Variants in CUL2 observed in about 807,000 individuals in gnomAD.
CUL2 encodes the protein cullin-2.
A neutral mutation model predicts 110.2 loss-of-function variants in CUL2; 22 were observed. The ratio of observed to expected loss-of-function variants is 0.20; its 90% CI spans 0.14 to 0.28. The LOEUF (loss-of-function observed/expected upper bound fraction) is 0.28. CUL2 is among the 10% of genes least tolerant of loss of function. The pLI, the probability that CUL2 is intolerant of heterozygous loss-of-function variation, is 1.00. For missense variants in CUL2, 631 were observed against 905.5 expected (o/e 0.70, Z 3.89); for synonymous variants, 279 against 293.2 (o/e 0.95, Z 0.49).
At chr10:35,086,363 CT>C (rs1238664789) in intron 1 of CUL2, among the ~76,000 whole-genome samples, 1 of 152,050 alleles carries the variant, frequency 6.6e-6, no homozygotes, top group Non-Finnish European at 1.5e-5. Context: ...TAGTGGCTCA[CT>C]GCAGCCTCCA....
intron 4 of CUL2, among the ~76,000 whole-genome samples, chr10:35,060,338 G>A (rs1406112567): frequency 1.3e-5 from 2 of 152,130 alleles, no homozygotes; most frequent in Non-Finnish European, 2.9e-5. Flanking sequence ...CAGGCAGATG[G>A]AACAGCACCA....
At chr10:35,075,724 T>C (rs2086802971) in intron 1 of CUL2, among the ~76,000 whole-genome samples, 1 of 152,104 alleles carries the variant, frequency 6.6e-6, no homozygotes, top group South Asian at 2.1e-4. Context: ...TAAAAATTTA[T>C]ATTTAATTAC....
At chr10:35,016,162 G>T in intron 18 of CUL2, 30 bp downstream of exon 18, 1 of 1,562,532 alleles carries the variant, frequency 6.4e-7, no homozygotes. Context: ...TGCTGATGAT[G>T]CTTAAATTCT....
Position 35,032,487 on chromosome 10 carries a change from G to C in CUL2, c.1118C>G (p.Thr373Arg). Residue 373 changes from threonine to arginine, a missense_variant, in exon 12 of 21, where the codon ACG (threonine) becomes AGG (arginine). Thr to Arg is a moderately conservative substitution (Grantham distance 71). Coordinates refer to ENST00000374749, the MANE Select transcript of CUL2 (RefSeq NM_003591.4). ...HFMSALDKAL[T>R]SVVNYREPKS... is the part of the protein sequence containing the mutation. The stretch of plus-strand genomic sequence containing the variant: ...AGGTTCTCTGTAATTTACAACTGAC[G>C]TAAGGGCCTGAATAAAAAAACACGC... The C allele has an allele frequency of 6.3e-7, 1 of 1,587,514 alleles. No individual in the cohort carries two copies. The highest frequency in any genetic ancestry group is 8.5e-7 in the Non-Finnish European group (1 of 1,171,612).
chr10:35,018,092 C>T (rs2085084026), intron 17 of CUL2, among the ~76,000 whole-genome samples: 1 of 143,148 alleles, frequency 7.0e-6, no homozygotes, highest in Non-Finnish European at 1.5e-5. Flanking sequence ...AGATCGAGAC[C>T]ACGGTGAAAC....
At chr10:35,033,375 TTA>T (rs2085527279) in intron 10 of CUL2, 102 bp from the exon 11 acceptor site, 2 of 760,926 alleles carry the variant, frequency 2.6e-6, no homozygotes, top group African/African-American at 1.8e-5. Context: ...CTCAAGGAAA[TTA>T]TGTTTCACAC....
At chr10:35,011,491 G>A (rs571062142) in intron 20 of CUL2, among the ~76,000 whole-genome samples, 6 of 152,134 alleles carry the variant, frequency 3.9e-5, no homozygotes, top group South Asian at 2.1e-4. Context: ...GGTGGTGCAC[G>A]CCTGTATTCC....
chr10:35,011,081 C>T (rs1377454924), intron 20 of CUL2, among the ~76,000 whole-genome samples: 1 of 152,230 alleles, frequency 6.6e-6, no homozygotes, highest in South Asian at 2.1e-4. Flanking sequence ...TTATTATTAT[C>T]ATTTGAGATA....
chr10:35,050,309 C>T (rs2086069193), intron 5 of CUL2, among the ~76,000 whole-genome samples: 2 of 145,590 alleles, frequency 1.4e-5, no homozygotes, highest in South Asian at 2.2e-4. Context: ...GACAACAGTG[C>T]GAGACTCCGT....
At chr10:35,043,751 TA>T (rs998298548) in intron 8 of CUL2, among the ~76,000 whole-genome samples, 4 of 152,124 alleles carry the variant, frequency 2.6e-5, no homozygotes, top group African/African-American at 9.7e-5. Context: ...TGATAACCAA[TA>T]TGTACTGGTT....
At chr10:35,020,602 T>TA (rs1398715850) in intron 17 of CUL2, among the ~76,000 whole-genome samples, 1 of 152,220 alleles carries the variant, frequency 6.6e-6, no homozygotes, top group African/African-American at 2.4e-5. Flanking sequence ...AAGTTTTTTT[T>TA]ATCTTCCTTG....
chr10:35,049,828 A>G (rs1564722554), intron 5 of CUL2, 63 bp from the exon 6 acceptor site: 7 of 1,137,728 alleles, frequency 6.2e-6, no homozygotes, highest in Non-Finnish European at 7.7e-6. Context: ...CATTTCCTCA[A>G]GGTTTTTTTT....
chr10:35,091,931 C>A (rs2087213217), upstream of CUL2, among the ~76,000 whole-genome samples: 1 of 151,856 alleles, frequency 6.6e-6, no homozygotes, highest in South Asian at 2.1e-4. Context: ...TCAGGCCCCC[C>A]CTGCTTTTTG....
At chr10:35,111,087 T>G (rs1429700993) in intron 1 of CUL2, among the ~76,000 whole-genome samples, 3 of 152,204 alleles carry the variant, frequency 2.0e-5, no homozygotes, top group African/African-American at 7.2e-5. Context: ...ATGGGTTTGC[T>G]GCTTCTAAGT....
At chr10:35,097,956 C>A (rs2087322034) in intron 2 of CUL2, 5 of 151,216 alleles carry the variant, frequency 3.3e-5, no homozygotes, top group Admixed American at 3.3e-4. Flanking sequence ...AAGACTCTGA[C>A]TCAAAAAAAT....
chr10:35,026,272 C>G (rs1465509690), intron 16 of CUL2, among the ~76,000 whole-genome samples: 1 of 152,154 alleles, frequency 6.6e-6, no homozygotes, highest in Non-Finnish European at 1.5e-5. Flanking sequence ...TAGTTCTAAT[C>G]CAGACAAACA....
Position 35,078,295 on chromosome 10 carries a change from ATTT to A in CUL2, c.-22-6959_-22-6957del, listed in dbSNP as rs201741916. Among the ~76,000 whole-genome samples, 4 of 142,190 alleles carry A rather than the reference ATTT, an allele frequency of 2.8e-5. No individual in the cohort carries two copies. In the South Asian group the frequency reaches 6.7e-4, roughly 24 times the overall value. The allele number at this position is 142,190 out of a possible 152,430, so 93.3% of individuals were successfully genotyped here. ...ATATATGTTTGTTAAGATCAGGTGA[ATTT>A]TTTTTTTTTTTTTTGAGATGGAGTT... On this transcript the variant is annotated intron_variant, in intron 1 of 20. Coordinates refer to ENST00000374749, the MANE Select transcript of CUL2 (RefSeq NM_003591.4).
intron 1 of CUL2, among the ~76,000 whole-genome samples, chr10:35,082,849 C>T (rs945280536): frequency 1.3e-5 from 2 of 152,142 alleles, no homozygotes; most frequent in Admixed American, 6.6e-5. Context: ...GGTAACTATA[C>T]ACTTACATAA....
At chr10:35,074,354 T>C (rs2086761443) in intron 1 of CUL2, 3 of 695,882 alleles carry the variant, frequency 4.3e-6, no homozygotes, top group Admixed American at 2.1e-5. Flanking sequence ...AACTTCTCTC[T>C]GCTTAGAGAT....
Sources: allele counts gnomAD v4.1 joint callset (sites outside exome capture counted in the v4.1 genomes callset), GRCh38; gene constraint gnomAD v4.1.1; transcripts MANE v1.5; gene names NCBI Gene and HGNC (gene_info 2026-07-23, HGNC 2026-07-21).